The following ZNF503 variants were observed in gnomAD, a reference collection of about 807,000 sequenced individuals.
The protein encoded by ZNF503 is NocA-like zinc finger 2.
A neutral mutation model predicts 34.4 loss-of-function variants in ZNF503; 15 were observed. The observed-to-expected ratio is 0.44, with a 90% CI of 0.29 to 0.67. ZNF503 has a LOEUF of 0.67. Ranked by LOEUF, ZNF503 falls within the 30% of genes least tolerant of loss-of-function variation. The probability of loss-of-function intolerance (pLI) is 0.13; values close to 1 mark genes in which losing one functional copy is unlikely to be tolerated. For missense variants in ZNF503, 1,007 were observed against 926.8 expected, an observed-to-expected ratio of 1.09 and a Z score of -1.12; for synonymous variants, 580 against 456.8, an observed-to-expected ratio of 1.27 and a Z score of -3.44.
chr10:75,284,813 G>C, the ZNF503 span, among the ~76,000 whole-genome samples: 4 of 152,206 alleles, frequency 2.6e-5, no homozygotes, highest in Admixed American at 6.5e-5. Context: ...ATTACTATTA[G>C]CTGGGGTTAC....
the ZNF503 span, among the ~76,000 whole-genome samples, chr10:75,391,067 T>C: frequency 6.6e-6 from 1 of 152,174 alleles, no homozygotes; most frequent in African/African-American, 2.4e-5. Context: ...AACTTTACCT[T>C]CCTAACAGCC....
chr10:75,325,790 T>C, the ZNF503 span, among the ~76,000 whole-genome samples: 1 of 152,216 alleles, frequency 6.6e-6, no homozygotes, highest in Admixed American at 6.5e-5. Context: ...TTGATTTCTT[T>C]TGTCAGTATT....
chr10:75,346,470 A>T, the ZNF503 span, among the ~76,000 whole-genome samples: 1 of 136,518 alleles, frequency 7.3e-6, no homozygotes. Context: ...TTGCTCTGTC[A>T]CCCGGGACAG....
the ZNF503 span, chr10:75,382,332 A>G: frequency 3.7e-6 from 1 of 268,534 alleles, no homozygotes; most frequent in East Asian, 1.1e-4. Context: ...GGGAACAACA[A>G]CAAGGCTGAT....
chr10:75,342,830 C>T, the ZNF503 span, among the ~76,000 whole-genome samples: 5 of 152,152 alleles, frequency 3.3e-5, no homozygotes, highest in African/African-American at 4.8e-5. Flanking sequence ...GAAGGGCAGG[C>T]TCATGTCTCA....
chr10:75,313,788 A>G, the ZNF503 span, among the ~76,000 whole-genome samples: 1 of 152,348 alleles, frequency 6.6e-6, no homozygotes, highest in Admixed American at 6.5e-5. Context: ...GAGAAGGGAC[A>G]TGAACTTGAG....
At chr10:75,380,821 A>G in the ZNF503 span, among the ~76,000 whole-genome samples, 1 of 152,188 alleles carries the variant, frequency 6.6e-6, no homozygotes, top group Non-Finnish European at 1.5e-5. Flanking sequence ...ATTGTTTCAA[A>G]GTTCCATGCA....
At chr10:75,370,528 C>T in the ZNF503 span, among the ~76,000 whole-genome samples, 1 of 151,982 alleles carries the variant, frequency 6.6e-6, no homozygotes, top group East Asian at 1.9e-4. Context: ...TGCCTGTAAT[C>T]CCAGCACTTT....
Position 75,398,948 on chromosome 10 carries a change from G to T in ZNF503, c.1742C>A (p.Pro581Gln). The T allele has an allele frequency of 6.3e-7, 1 of 1,599,614 alleles. No homozygotes were observed. The change falls in exon 2 of 2, where the codon CCG becomes CAG. Residue 581 changes from proline to glutamine, a missense_variant. Physicochemically the swap from Pro to Gln is moderately conservative, Grantham distance 76. Coordinates refer to ENST00000372524, the MANE Select transcript of ZNF503 (RefSeq NM_032772.6). ...CAGCGCCAGCGTCCCAGGGCTGCCC[G>T]GTGCGCCCGAGGTGGGGATGTGCAT... is the stretch of plus-strand genomic sequence containing the variant. ...CHMHIPTSGA[P>Q]GSPGTLALRS...
chr10:75,355,778 A>T, the ZNF503 span, among the ~76,000 whole-genome samples: 5 of 152,210 alleles, frequency 3.3e-5, no homozygotes, highest in Non-Finnish European at 5.9e-5. Flanking sequence ...TATAGGTTCT[A>T]TGGGTCTGGA....
chr10:75,321,425 C>T, the ZNF503 span, among the ~76,000 whole-genome samples: 1 of 152,126 alleles, frequency 6.6e-6, no homozygotes, highest in African/African-American at 2.4e-5. Context: ...GGTTAACAGG[C>T]AGAGGCAGGA....
chr10:75,292,068 T>C, the ZNF503 span, among the ~76,000 whole-genome samples: 1 of 152,060 alleles, frequency 6.6e-6, no homozygotes, highest in Non-Finnish European at 1.5e-5. Flanking sequence ...GGCCTGGAAA[T>C]AGCTAGATCC....
chr10:75,392,355 T>C, the ZNF503 span, among the ~76,000 whole-genome samples: 30 of 152,384 alleles, frequency 2.0e-4, no homozygotes, highest in South Asian at 1.9e-3. Flanking sequence ...CCAAGTGTCC[T>C]GGTCCCTGGT....
At chr10:75,284,558 TG>T in the ZNF503 span, among the ~76,000 whole-genome samples, 79 of 152,012 alleles carry the variant, frequency 5.2e-4, no homozygotes, top group Non-Finnish European at 6.5e-4. Context: ...GGGCCTGATG[TG>T]GGGAATGGTA....
At position 75,398,796 on chromosome 10, in the gene ZNF503, G is replaced by A. The variant is rs770037190; in HGVS notation, c.1894C>T (p.Leu632Phe). 1.1e-5 allele frequency: 16 copies of A among 1,475,412 alleles called. No homozygotes were observed. The highest frequency in any genetic ancestry group is 9.6e-5 in the East Asian group (4 of 41,642). The allele number at this position is 1,475,412 out of a possible 1,614,324, so 91.4% of individuals were successfully genotyped here. Residue 632 changes from leucine to phenylalanine, a missense_variant, in exon 2 of 2, where the codon CTC becomes TTC. Leu to Phe is a conservative substitution (Grantham distance 22). Transcript: ENST00000372524. ...GCGGTGGTCAGTCTCTGTCCGTAGA[G>A]GGCGTAGGGGGAGTAGTACGGTCCG... is the stretch of plus-strand genomic sequence containing the variant. Reference protein sequence around the residue: ...ATGPYYSPYALYGQRLTTASA... With the variant: ...ATGPYYSPYAFYGQRLTTASA...
At chr10:75,397,420 C>A (rs572920993), downstream of ZNF503, among the ~76,000 whole-genome samples, 240 of 152,318 alleles carry the variant, frequency 1.6e-3, 2 homozygotes, top group African/African-American at 5.6e-3. Context: ...TCCCCGAGGC[C>A]CCGGCCCAGG....
the ZNF503 span, among the ~76,000 whole-genome samples, chr10:75,348,373 A>C: frequency 6.7e-6 from 1 of 149,566 alleles, no homozygotes; most frequent in East Asian, 2.0e-4. Context: ...AATTTTTGAA[A>C]TTTTTGGAGA....
rs963237484 is a variant in ZNF503 at position 75,401,725 on chromosome 10, G to T, written c.-306C>A. Reference sequence around the variant, plus strand: ...TCTCGCGGCCCCGCGCCGGCGCTGCGCTCTGCGATGCGAGCCGCTGCGTGT... The same window carrying T: ...TCTCGCGGCCCCGCGCCGGCGCTGCTCTCTGCGATGCGAGCCGCTGCGTGT... On this transcript the variant is annotated 5_prime_UTR_variant, in exon 1 of 2. Transcript: ENST00000372524. 15 of 388,758 alleles carry T rather than the reference G, an allele frequency of 3.9e-5. No homozygotes were observed. The highest frequency in any genetic ancestry group is 3.0e-4 in the African/African-American group (14 of 46,600). 24.1% of individuals were successfully genotyped at this position (388,758 alleles called of 1,614,324 possible). A position where few individuals can be genotyped will look rare whatever the true frequency, so the allele number is the denominator to read the frequency against.
chr10:75,340,170 C>CG, the ZNF503 span, among the ~76,000 whole-genome samples: 15 of 10,596 alleles, frequency 1.4e-3, no homozygotes, highest in East Asian at 5.1e-3. Flanking sequence ...GGGGAGGGGG[C>CG]GGGGGGTCGA....
Sources: allele counts gnomAD v4.1 joint callset (sites outside exome capture counted in the v4.1 genomes callset), GRCh38; gene constraint gnomAD v4.1.1; transcripts MANE v1.5; gene names NCBI Gene and HGNC (gene_info 2026-07-23, HGNC 2026-07-21).